The following TMEM175 variants were observed in gnomAD, a reference collection of about 807,000 sequenced individuals.
TMEM175 encodes the protein endosomal/lysosomal proton channel TMEM175.
A neutral mutation model predicts 36.5 loss-of-function variants in TMEM175; 36 were observed. The ratio of observed to expected loss-of-function variants is 0.99; its 90% CI spans 0.76 to 1.30. The LOEUF (loss-of-function observed/expected upper bound fraction) is 1.30. Among genes scored for constraint, TMEM175 ranks in the 50% most tolerant of loss-of-function variants. TMEM175 has a pLI of 0.00. For missense variants in TMEM175, 705 were observed against 692.8 expected, an observed-to-expected ratio of 1.02 and a Z score of -0.20; for synonymous variants, 339 against 313.4, an observed-to-expected ratio of 1.08 and a Z score of -0.86.
chr4:948,580 G>C, intron 3 of TMEM175: 2 of 1,316,524 alleles, frequency 1.5e-6, no homozygotes, highest in Non-Finnish European at 2.0e-6. Context: ...TCTCAGCGGG[G>C]ACACTCCCAC....
At chr4:952,334 TG>T (rs750977191) in intron 6 of TMEM175, 32 bp from the exon 7 acceptor site, 5 of 1,595,640 alleles carry the variant, frequency 3.1e-6, no homozygotes, top group East Asian at 2.2e-5. Flanking sequence ...ACCTAGGATT[TG>T]GGGGGGTTTG....
chr4:952,013 C>T (rs1728954708), intron 6 of TMEM175: 2 of 585,764 alleles, frequency 3.4e-6, no homozygotes, highest in Non-Finnish European at 6.1e-6. Context: ...GCCCCTACAG[C>T]CTCCGACCAC....
intron 10 of TMEM175, among the ~76,000 whole-genome samples, 168 bp from the exon 11 acceptor site, chr4:957,656 C>T (rs1229035184): frequency 1.3e-5 from 2 of 152,224 alleles, no homozygotes; most frequent in African/African-American, 4.8e-5. Flanking sequence ...GTCAGTGTGC[C>T]AAATACACAT....
intron 1 of TMEM175, among the ~76,000 whole-genome samples, chr4:934,307 G>A (rs1577373408): frequency 6.6e-6 from 1 of 152,240 alleles, no homozygotes; most frequent in Non-Finnish European, 1.5e-5. Context: ...AGTTTGTGGA[G>A]AAAGAGCAGT....
intron 1 of TMEM175, among the ~76,000 whole-genome samples, chr4:938,290 G>A (rs1178391586): frequency 6.6e-6 from 1 of 152,206 alleles, no homozygotes; most frequent in Admixed American, 6.5e-5. Context: ...GGTCACCTGA[G>A]GTCAGGAGTT....
intron 10 of TMEM175, chr4:956,530 C>T (rs1275019712): frequency 1.8e-5 from 21 of 1,164,896 alleles, no homozygotes; most frequent in Non-Finnish European, 2.1e-5. Flanking sequence ...GCAACCTCCG[C>T]CTCCCAGGTT....
intron 4 of TMEM175, among the ~76,000 whole-genome samples, chr4:950,969 G>T (rs965913855): frequency 6.6e-6 from 1 of 151,866 alleles, no homozygotes; most frequent in Non-Finnish European, 1.5e-5. Context: ...GGATGGTGCA[G>T]TAGGCGGAGG....
intron 6 of TMEM175, chr4:952,046 T>C: frequency 3.4e-6 from 2 of 581,168 alleles, no homozygotes; most frequent in South Asian, 4.1e-5. Context: ...ACTCAGGCTG[T>C]GAAAGTGCCT....
rs773566892 is a variant in TMEM175, at chr4:957,847, A to G, written c.866A>G (p.Lys289Arg). Reference protein sequence around the residue: ...DICEDNVPDPKDVKERFSGSL... With the variant: ...DICEDNVPDPRDVKERFSGSL... ...AGCGAAGACAACGTCCCGGACCCCAAGGATGTGAAGGAGAGGTTCAGCGGC... is the reference window on the plus strand; with the variant it reads ...AGCGAAGACAACGTCCCGGACCCCAGGGATGTGAAGGAGAGGTTCAGCGGC... Residue 289 changes from lysine (K) to arginine (R), a missense_variant, in exon 11 of 11, where the codon AAG becomes AGG. Physicochemically the swap from Lys to Arg is conservative, Grantham distance 26. Coordinates refer to ENST00000264771, the MANE Select transcript of TMEM175 (RefSeq NM_032326.4). The G allele has an allele frequency of 9.9e-6, 16 of 1,611,348 alleles. No homozygotes were observed. The highest frequency in any genetic ancestry group is 1.7e-4 in the Middle Eastern group (1 of 6,050).
At chr4:936,052 T>C (rs904060945) in intron 1 of TMEM175, among the ~76,000 whole-genome samples, 5 of 152,154 alleles carry the variant, frequency 3.3e-5, no homozygotes, top group African/African-American at 1.2e-4. Context: ...GCAATCACCT[T>C]ATGAAACTAG....
At chr4:955,033 T>C (rs1400863862) in intron 8 of TMEM175, among the ~76,000 whole-genome samples, 1 of 152,106 alleles carries the variant, frequency 6.6e-6, no homozygotes, top group Non-Finnish European at 1.5e-5. Flanking sequence ...CAGGCTGGAG[T>C]GCAGTGAGCT....
At chr4:955,381 G>A in intron 8 of TMEM175, 24 bp from the exon 9 acceptor site, 1 of 1,606,800 alleles carries the variant, frequency 6.2e-7, no homozygotes, top group Non-Finnish European at 8.5e-7. Context: ...GGAGGGCACT[G>A]ACCTGCGGTT....
At chr4:952,508 G>GA in intron 7 of TMEM175, 58 bp downstream of exon 7, 1 of 1,385,516 alleles carries the variant, frequency 7.2e-7, no homozygotes, top group East Asian at 2.4e-5. Context: ...GTGTGTGTGT[G>GA]TGTGTGTGTG....
chr4:957,512 A>C (rs957136659), intron 10 of TMEM175, among the ~76,000 whole-genome samples: 3 of 152,240 alleles, frequency 2.0e-5, no homozygotes, highest in Non-Finnish European at 4.4e-5. Flanking sequence ...CAGCAAACAC[A>C]GGAGAGCCTC....
intron 1 of TMEM175, among the ~76,000 whole-genome samples, chr4:935,195 C>G (rs56004021): frequency 0.018 from 2,775 of 152,286 alleles, 72 homozygotes; most frequent in African/African-American, 0.063. Flanking sequence ...CAGAGTCAGA[C>G]TACTTATCTT....
chr4:951,749 G>A (rs1728918686), intron 6 of TMEM175, 32 bp downstream of exon 6: 10 of 1,609,928 alleles, frequency 6.2e-6, no homozygotes, highest in African/African-American at 1.3e-5. Context: ...ACACCCTGAG[G>A]CTTTGCTGGG....
intron 1 of TMEM175, among the ~76,000 whole-genome samples, chr4:942,685 G>C (rs1317336378): frequency 2.7e-5 from 4 of 150,734 alleles, no homozygotes; most frequent in African/African-American, 9.8e-5. Flanking sequence ...TGTCACCCAG[G>C]ATGGCGTACA....
At chr4:937,931 C>G (rs1212021171) in intron 1 of TMEM175, among the ~76,000 whole-genome samples, 1 of 150,350 alleles carries the variant, frequency 6.7e-6, no homozygotes, top group East Asian at 2.0e-4. Context: ...AGTGAAGAAA[C>G]AAAATGGATC....
chr4:948,344 C>CG, intron 3 of TMEM175, 190 bp downstream of exon 3: 1 of 1,535,918 alleles, frequency 6.5e-7, no homozygotes, highest in Non-Finnish European at 8.7e-7. Flanking sequence ...GTGCTCACCC[C>CG]GGCGGAGGTC....
Sources: gnomAD v4.1 joint callset for allele counts (sites outside exome capture counted in the v4.1 genomes callset) on GRCh38, gnomAD v4.1.1 for gene constraint, MANE v1.5 for transcripts, NCBI Gene and HGNC (gene_info 2026-07-23, HGNC 2026-07-21) for gene names.